VWA3B: variants seen among roughly 807,000 people sequenced by gnomAD.
The protein encoded by VWA3B is von Willebrand factor A domain-containing protein 3B.
In VWA3B, 138 loss-of-function variants were observed where a neutral mutation model predicts 158.3. That is an observed-to-expected ratio of 0.87 (90% CI 0.76 to 1.00). The LOEUF (loss-of-function observed/expected upper bound fraction) is 1.00, where lower values mean the gene tolerates loss of function less well. Among genes scored for constraint, VWA3B ranks in the 50% least tolerant of loss-of-function variants. The pLI, the probability that VWA3B is intolerant of heterozygous loss-of-function variation, is 0.00. For synonymous variants in VWA3B, 596 were observed against 587.3 expected (o/e 1.01, Z -0.21); for missense variants, 1,555 against 1,565.1 (o/e 0.99, Z 0.11).
chr2:98,271,853 C>T (rs866495720), intron 22 of VWA3B, among the ~76,000 whole-genome samples: 19 of 152,090 alleles, frequency 1.2e-4, no homozygotes, highest in African/African-American at 2.4e-5. Context: ...TGTGTGTGGA[C>T]GGTGCTTTGT....
intron 19 of VWA3B, among the ~76,000 whole-genome samples, chr2:98,244,404 G>T (rs1371190475): frequency 6.6e-6 from 1 of 152,006 alleles, no homozygotes; most frequent in Non-Finnish European, 1.5e-5. Flanking sequence ...TATCATTTGT[G>T]AATAGTTTTC....
chr2:98,299,983 C>T (rs1690071630), intron 24 of VWA3B, 96 bp from the exon 25 acceptor site: 2 of 1,490,078 alleles, frequency 1.3e-6, no homozygotes, highest in Non-Finnish European at 1.8e-6. Flanking sequence ...AGCATCAGTA[C>T]TTGCCAATTG....
At chr2:98,305,434 C>T (rs972333757) in intron 26 of VWA3B, among the ~76,000 whole-genome samples, 2 of 152,134 alleles carry the variant, frequency 1.3e-5, no homozygotes, top group East Asian at 1.9e-4. Context: ...GGTTGCTCAT[C>T]GACCCTGAGC....
At chr2:98,180,496 A>G (rs771860034) in intron 8 of VWA3B, among the ~76,000 whole-genome samples, 2 of 152,352 alleles carry the variant, frequency 1.3e-5, no homozygotes, top group Non-Finnish European at 1.5e-5. Flanking sequence ...CTGGCCTCAC[A>G]TAACTTTTCT....
intron 5 of VWA3B, among the ~76,000 whole-genome samples, chr2:98,126,018 C>A (rs1559553456): frequency 6.6e-6 from 1 of 152,086 alleles, no homozygotes; most frequent in Non-Finnish European, 1.5e-5. Flanking sequence ...GGCAGAAAGA[C>A]CGTGTACAGG....
rs890810183 is a variant in VWA3B at position 98,220,062 on chromosome 2, G to A, written c.2019+2034G>A. Among the ~76,000 whole-genome samples the A allele has an allele frequency of 9.2e-5, 14 of 151,518 alleles. 1 individual carries two copies. The highest frequency in any genetic ancestry group is 3.4e-4 in the African/African-American group (14 of 41,292). On this transcript the variant is annotated intron_variant, in intron 14 of 27. Transcript: ENST00000477737. ...CCTGTAGTTCTAGCTACTTTGGGGG[G>A]CTAAAGCGGGAGGATCACTTGAACC...
In VWA3B at chr2:98,249,846, G is replaced by A. The variant is rs149003646; in HGVS notation, c.2674-472G>A. On this transcript the variant is annotated intron_variant, in intron 19 of 27. Transcript: ENST00000477737. ...AAACAAAAAAAGGATAAGAGAAATC[G>A]TCAAAATATGGTAACTATAATCAAA... 7.0e-4 allele frequency among the ~76,000 whole-genome samples: 107 copies of A among 152,018 alleles called. 2 individuals are homozygous for A. In the East Asian group the frequency reaches 0.017, roughly 24 times the overall value.
chr2:98,305,177 T>C (rs1264317770), intron 26 of VWA3B, among the ~76,000 whole-genome samples: 1 of 152,122 alleles, frequency 6.6e-6, no homozygotes, highest in Non-Finnish European at 1.5e-5. Flanking sequence ...TATCCCTGCC[T>C]GACTTCACTG....
At chr2:98,183,925 T>C (rs916734306) in intron 9 of VWA3B, among the ~76,000 whole-genome samples, 1 of 152,254 alleles carries the variant, frequency 6.6e-6, no homozygotes, top group Non-Finnish European at 1.5e-5. Flanking sequence ...CCTTCCTTTT[T>C]TTCTGCACTA....
At chr2:98,243,383 G>T (rs1220235925) in intron 19 of VWA3B, among the ~76,000 whole-genome samples, 5 of 151,932 alleles carry the variant, frequency 3.3e-5, no homozygotes, top group Admixed American at 6.6e-5. Context: ...GCCCAGGCTG[G>T]AGTGCAATGG....
At chr2:98,213,714 G>A (rs1683739393) in intron 13 of VWA3B, among the ~76,000 whole-genome samples, 1 of 152,186 alleles carries the variant, frequency 6.6e-6, no homozygotes, top group South Asian at 2.1e-4. Context: ...TCTAGGGAGT[G>A]CATGGGTGTC....
Position 98,270,852 on chromosome 2 carries a change from A to C in VWA3B, c.3014A>C (p.Lys1005Thr). The change falls in exon 22 of 28, where the codon AAG becomes ACG. Residue 1005 changes from lysine (K) to threonine (T), a missense_variant. Coordinates refer to ENST00000477737, the MANE Select transcript of VWA3B (RefSeq NM_144992.5). The stretch of plus-strand genomic sequence containing the variant: ...GCCATGGAACTCCAGGAGGCTGCCA[A>C]GAAGAATTATGCAAACAAGGCCCCG... ...QQAMELQEAA[K>T]KNYANKAPGE... The C allele has an allele frequency of 6.2e-6, 10 of 1,614,078 alleles. No homozygotes were observed. Among genetic ancestry groups the C allele is most frequent in the Non-Finnish European group, 8.5e-6 (10 of 1,179,950 alleles).
chr2:98,313,640 A>G (rs1474822059), downstream of VWA3B, among the ~76,000 whole-genome samples: 2 of 152,194 alleles, frequency 1.3e-5, no homozygotes, highest in Non-Finnish European at 2.9e-5. Flanking sequence ...TTATTCAACA[A>G]GCAATTTGAG....
intron 1 of VWA3B, among the ~76,000 whole-genome samples, chr2:98,091,866 A>G (rs1485021153): frequency 6.6e-6 from 1 of 152,238 alleles, no homozygotes; most frequent in Admixed American, 6.5e-5. Flanking sequence ...AAGTAAGCAG[A>G]ACTTTCTACA....
At chr2:98,191,288 C>A (rs890817621) in intron 10 of VWA3B, among the ~76,000 whole-genome samples, 4 of 152,118 alleles carry the variant, frequency 2.6e-5, no homozygotes, top group African/African-American at 4.8e-5. Context: ...ACATCCTTTT[C>A]CACTAATTCT....
intron 8 of VWA3B, 74 bp downstream of exon 8, chr2:98,163,050 T>C: frequency 6.3e-7 from 1 of 1,586,296 alleles, no homozygotes; most frequent in South Asian, 1.2e-5. Context: ...GCTGCTTCCA[T>C]GTTCCTGACC....
chr2:98,136,788 G>A (rs932993470), intron 7 of VWA3B, among the ~76,000 whole-genome samples: 6 of 152,002 alleles, frequency 3.9e-5, no homozygotes, highest in Non-Finnish European at 7.4e-5. Context: ...TCAAATCACT[G>A]CACCCCATTT....
intron 7 of VWA3B, among the ~76,000 whole-genome samples, chr2:98,159,248 T>C (rs1678365828): frequency 6.6e-6 from 1 of 152,164 alleles, no homozygotes; most frequent in Non-Finnish European, 1.5e-5. Flanking sequence ...TTTTTTGTTT[T>C]GTTTTGGTTT....
At chr2:98,153,541 T>C (rs1677811797) in intron 7 of VWA3B, among the ~76,000 whole-genome samples, 1 of 152,222 alleles carries the variant, frequency 6.6e-6, no homozygotes, top group Non-Finnish European at 1.5e-5. Context: ...AACCAAGTCA[T>C]GTTCCTGGCA....
Sources: gnomAD v4.1 joint callset for allele counts (sites outside exome capture counted in the v4.1 genomes callset) on GRCh38, gnomAD v4.1.1 for gene constraint, MANE v1.5 for transcripts, NCBI Gene and HGNC (gene_info 2026-07-23, HGNC 2026-07-21) for gene names.